Variants in DNAH11 observed in about 807,000 individuals in gnomAD.
The protein encoded by DNAH11 is dynein axonemal heavy chain 11.
DNAH11 carries 442 observed loss-of-function variants against 526.0 expected under a neutral mutation model. The ratio of observed to expected loss-of-function variants is 0.84; its 90% CI spans 0.78 to 0.91. The LOEUF is 0.91. DNAH11 is among the 40% of genes least tolerant of loss of function. DNAH11 has a pLI of 0.00. For synonymous variants in DNAH11, 2,461 were observed against 1,935.9 expected (o/e 1.27, Z -7.12); for missense variants, 6,989 against 5,448.7 (o/e 1.28, Z -8.90).
chr7:21,779,086 T>A lies in DNAH11; in HGVS notation c.9465T>A (p.Ala3155=), dbSNP rs370662544. The A allele has an allele frequency of 4.2e-5, 67 of 1,612,646 alleles. No homozygotes were observed. In the African/African-American group the frequency reaches 7.5e-4, roughly 18 times the overall value. Residue 3155 remains alanine (A), a synonymous_variant, in exon 57 of 82, where the codon GCT becomes GCA. Coordinates refer to ENST00000409508, the MANE Select transcript of DNAH11 (RefSeq NM_001277115.2). ...TEKVSREKTI[A]DAEERKVTAI... is the part of the protein sequence containing the mutation. The stretch of plus-strand genomic sequence containing the variant: ...AAGTGAGCCGGGAAAAGACCATCGC[T>A]GATGCTGAGGAGCGAAAGGTCAGGC...
At chr7:21,720,673 C>A in intron 43 of DNAH11, 52 bp from the exon 44 acceptor site, 1 of 1,502,162 alleles carries the variant, frequency 6.7e-7, no homozygotes, top group Non-Finnish European at 8.9e-7. Flanking sequence ...ATTCTTTGAA[C>A]TTCACTATTT....
chr7:21,868,602 A>G (rs532419684), intron 72 of DNAH11, among the ~76,000 whole-genome samples: 17 of 152,234 alleles, frequency 1.1e-4, no homozygotes, highest in Non-Finnish European at 2.4e-4. Context: ...AATGCCTGCC[A>G]TCTATCAAAA....
intron 30 of DNAH11, among the ~76,000 whole-genome samples, chr7:21,663,976 A>G (rs768064874): frequency 1.1e-3 from 168 of 151,952 alleles, no homozygotes; most frequent in Non-Finnish European, 2.1e-3. Context: ...TGGTAATTCT[A>G]TTTTTAATTT....
chr7:21,765,697 C>T, intron 55 of DNAH11, 108 bp downstream of exon 55: 3 of 1,311,794 alleles, frequency 2.3e-6, no homozygotes, highest in Non-Finnish European at 3.0e-6. Context: ...TTCCACAGTA[C>T]ATCTCCTATC....
At chr7:21,694,758 C>T (rs1783777691) in intron 35 of DNAH11, among the ~76,000 whole-genome samples, 1 of 152,106 alleles carries the variant, frequency 6.6e-6, no homozygotes, top group Admixed American at 6.5e-5. Flanking sequence ...GGTTCTAGAT[C>T]CTTGAGGAAT....
chr7:21,595,110 A>G (rs1309446067), intron 14 of DNAH11, among the ~76,000 whole-genome samples: 1 of 152,196 alleles, frequency 6.6e-6, no homozygotes, highest in Non-Finnish European at 1.5e-5. Context: ...AGAAATGGTT[A>G]TCTCATAGTT....
At chr7:21,680,184 T>C (rs2965392) in intron 30 of DNAH11, among the ~76,000 whole-genome samples, 84,858 of 152,014 alleles carry the variant, frequency 0.56, 24,850 homozygotes, top group African/African-American at 0.74. Flanking sequence ...GTTTCGCATT[T>C]TCCGGGGCAT....
At chr7:21,788,095 A>G (rs1036694984) in intron 60 of DNAH11, among the ~76,000 whole-genome samples, 16 of 152,292 alleles carry the variant, frequency 1.1e-4, no homozygotes, top group African/African-American at 3.8e-4. Context: ...GAGATAGATT[A>G]TACTTTCATG....
intron 28 of DNAH11, among the ~76,000 whole-genome samples, chr7:21,644,052 C>G (rs1314527105): frequency 6.6e-6 from 1 of 150,394 alleles, no homozygotes; most frequent in East Asian, 2.0e-4. Context: ...GACATCTGCA[C>G]CAATCTACAC....
At chr7:21,627,380 A>T (rs552724143) in intron 25 of DNAH11, among the ~76,000 whole-genome samples, 14 of 152,248 alleles carry the variant, frequency 9.2e-5, no homozygotes, top group African/African-American at 3.4e-4. Flanking sequence ...GCATTTCTCC[A>T]GTGTTTTCTT....
intron 62 of DNAH11, among the ~76,000 whole-genome samples, chr7:21,803,502 A>G (rs1228413739): frequency 6.6e-6 from 1 of 152,158 alleles, no homozygotes; most frequent in Non-Finnish European, 1.5e-5. Context: ...TTTATGAGAA[A>G]AGCTGATGTT....
In DNAH11 at chr7:21,852,462, A is replaced by G. The variant is rs746604716; in HGVS notation, c.10897-5A>G. The G allele has an allele frequency of 3.8e-6, 6 of 1,593,314 alleles. No homozygotes were observed. Among genetic ancestry groups the G allele is most frequent in the East Asian group, 2.3e-5 (1 of 44,298 alleles). On this transcript the variant is annotated splice_region_variant and splice_polypyrimidine_tract_variant and intron_variant, in intron 66 of 81. Coordinates refer to ENST00000409508, the MANE Select transcript of DNAH11 (RefSeq NM_001277115.2). The stretch of plus-strand genomic sequence containing the variant: ...ATTTCCCACACTTTTCTTGGTTTTT[A>G]TTAGTTGGTATTGACAAAGCACCAA...
At chr7:21,561,048 C>G (rs757294794) in intron 4 of DNAH11, 23 bp from the exon 5 acceptor site, 12 of 1,496,664 alleles carry the variant, frequency 8.0e-6, no homozygotes, top group Non-Finnish European at 2.7e-6. Context: ...TATTAAAGTT[C>G]TTCTTTTTTT....
chr7:21,682,744 T>G (rs187210572), intron 31 of DNAH11, among the ~76,000 whole-genome samples: 7 of 152,304 alleles, frequency 4.6e-5, no homozygotes, highest in South Asian at 2.1e-4. Flanking sequence ...AGTGTTTCTG[T>G]GTTTTTTTCT....
intron 45 of DNAH11, among the ~76,000 whole-genome samples, chr7:21,733,219 T>C (rs1382904363): frequency 6.6e-6 from 1 of 152,212 alleles, no homozygotes; most frequent in African/African-American, 2.4e-5. Context: ...AAACCTCTTC[T>C]GTACTAAAAA....
intron 51 of DNAH11, among the ~76,000 whole-genome samples, chr7:21,745,893 A>G (rs1037985378): frequency 6.6e-6 from 1 of 152,222 alleles, no homozygotes; most frequent in Non-Finnish European, 1.5e-5. Flanking sequence ...ATCTGGAGGA[A>G]GAACATTCTA....
Position 21,619,371 on chromosome 7 carries a change from G to C in DNAH11, c.4377+149G>C, listed in dbSNP as rs1406635004. ...CTGCTGTTCATTAGGTGTGGGATGA[G>C]CAGGAACTAGAATCATTCTAAGCCA... is the stretch of plus-strand genomic sequence containing the variant. On this transcript the variant is annotated intron_variant, in intron 24 of 81. Transcript: ENST00000409508. The C allele has an allele frequency of 4.7e-6, 4 of 858,570 alleles. No homozygotes were observed. In the Admixed American group the frequency reaches 9.0e-5, roughly 19 times the overall value. The allele number at this position is 858,570 out of a possible 1,614,324, so 53.2% of individuals were successfully genotyped here.
chr7:21,849,245 A>T (rs1782533187), intron 66 of DNAH11, among the ~76,000 whole-genome samples: 1 of 152,160 alleles, frequency 6.6e-6, no homozygotes, highest in African/African-American at 2.4e-5. Flanking sequence ...CTTTTAATAG[A>T]CTATTCTCAT....
chr7:21,766,046 A>G (rs1445967903), intron 55 of DNAH11, among the ~76,000 whole-genome samples: 2 of 152,332 alleles, frequency 1.3e-5, no homozygotes, highest in South Asian at 2.1e-4. Context: ...CATAGTAGCA[A>G]TAGTTGAAAA....
Sources: allele counts gnomAD v4.1 joint callset (sites outside exome capture counted in the v4.1 genomes callset), GRCh38; gene constraint gnomAD v4.1.1; transcripts MANE v1.5; gene names NCBI Gene and HGNC (gene_info 2026-07-23, HGNC 2026-07-21).